CDH18: variants seen among roughly 807,000 people sequenced by gnomAD.
The protein encoded by CDH18 is cadherin-18.
Under a neutral mutation model 67.9 loss-of-function variants are expected in CDH18, and 31 were observed. That is an observed-to-expected ratio of 0.46 (90% CI 0.34 to 0.62). CDH18 has a LOEUF of 0.62. Ranked by LOEUF, CDH18 falls within the 20% of genes least tolerant of loss-of-function variation. The pLI, the probability that CDH18 is intolerant of heterozygous loss-of-function variation, is 0.01. For missense variants in CDH18, 890 were observed against 975.5 expected, an observed-to-expected ratio of 0.91 and a Z score of 1.17; for synonymous variants, 362 against 347.2, an observed-to-expected ratio of 1.04 and a Z score of -0.48.
In CDH18 at chr5:20,186,053, A is replaced by G. The variant is rs1738076843; in HGVS notation, c.-518+69391T>C. 2.0e-5 allele frequency among the ~76,000 whole-genome samples: 3 copies of G among 152,066 alleles called. No homozygotes were observed. The South Asian group carries it at 6.2e-4, about 31-fold the overall frequency. On this transcript the variant is annotated intron_variant, in intron 2 of 14. Coordinates refer to the CDH18 transcript ENST00000507958. The stretch of plus-strand genomic sequence containing the variant: ...AAAGGAATGAAGACTCATCTGTTGA[A>G]TTCTTGCACTGATAAATGGTGTTCA...
At chr5:19,732,253 C>A (rs1194791910) in intron 4 of CDH18, among the ~76,000 whole-genome samples, 3 of 151,394 alleles carry the variant, frequency 2.0e-5, no homozygotes, top group African/African-American at 4.9e-5. Context: ...CCAGCCTGGG[C>A]AACATAGAGA....
At chr5:19,701,983 C>A (rs544234378) in intron 5 of CDH18, among the ~76,000 whole-genome samples, 28 of 152,120 alleles carry the variant, frequency 1.8e-4, no homozygotes, top group African/African-American at 6.3e-4. Context: ...CAAATATAAT[C>A]ATTTATCATG....
chr5:20,541,016 C>T (rs939176856), intron 1 of CDH18, among the ~76,000 whole-genome samples: 4 of 152,152 alleles, frequency 2.6e-5, no homozygotes, highest in African/African-American at 9.7e-5. Flanking sequence ...ACATTATGGC[C>T]ATTCGGAGTA....
At chr5:19,956,208 G>C (rs1275546336) in intron 2 of CDH18, among the ~76,000 whole-genome samples, 1 of 151,962 alleles carries the variant, frequency 6.6e-6, no homozygotes, top group African/African-American at 2.4e-5. Flanking sequence ...GCAGTTGAAA[G>C]CCAATTCTAT....
At chr5:19,970,948 C>G (rs906801423) in intron 2 of CDH18, among the ~76,000 whole-genome samples, 8 of 151,820 alleles carry the variant, frequency 5.3e-5, no homozygotes, top group Non-Finnish European at 7.4e-5. Flanking sequence ...TGCTATTTTA[C>G]AAGAAAACAA....
At chr5:20,531,991 A>G (rs951171917) in intron 1 of CDH18, among the ~76,000 whole-genome samples, 3 of 152,132 alleles carry the variant, frequency 2.0e-5, no homozygotes, top group African/African-American at 7.2e-5. Flanking sequence ...GCTCAAATGT[A>G]TGTATTTATA....
At position 20,172,190 on chromosome 5, in the gene CDH18, G is replaced by GTATATATATATATATATATATATATA. The variant is rs70954640; in HGVS notation, c.-518+83228_-518+83253dup. Among the ~76,000 whole-genome samples, 10 of 23,316 alleles carry GTATATATATATATATATATATATATA rather than the reference G, an allele frequency of 4.3e-4. 1 individual carries two copies. Among genetic ancestry groups the GTATATATATATATATATATATATATA allele is most frequent in the South Asian group, 1.9e-3 (1 of 528 alleles). The allele number at this position is 23,316 out of a possible 152,430, so 15.3% of individuals were successfully genotyped here. ...AACTTTGATATCAATAGCATTGTGT[G>GTATATATATATATATATATATATATA]TATATATATATATATATATATATAT... On this transcript the variant is annotated intron_variant, in intron 2 of 14. Coordinates refer to the CDH18 transcript ENST00000507958.
intron 5 of CDH18, among the ~76,000 whole-genome samples, chr5:19,615,701 C>T (rs1331905200): frequency 6.6e-6 from 1 of 152,126 alleles, no homozygotes; most frequent in Non-Finnish European, 1.5e-5. Context: ...CTATCCCTCC[C>T]CTCCCTCAAC....
chr5:19,525,765 A>G (rs1382640445), intron 9 of CDH18, among the ~76,000 whole-genome samples: 1 of 152,142 alleles, frequency 6.6e-6, no homozygotes. Context: ...GTCTCTATAT[A>G]TTATTTCTTG....
intron 12 of CDH18, among the ~76,000 whole-genome samples, chr5:19,482,636 CATG>C (rs1163200062): frequency 2.6e-5 from 4 of 151,908 alleles, no homozygotes; most frequent in East Asian, 1.9e-4. Flanking sequence ...AGGTGTGCAA[CATG>C]ATGATGTTTT....
intron 1 of CDH18, among the ~76,000 whole-genome samples, chr5:20,414,161 T>A (rs572929085): frequency 6.6e-6 from 1 of 152,290 alleles, no homozygotes; most frequent in South Asian, 2.1e-4. Flanking sequence ...GAAAACAGAA[T>A]TACCATTTGA....
intron 1 of CDH18, among the ~76,000 whole-genome samples, chr5:20,380,335 A>C (rs1743814106): frequency 6.6e-6 from 1 of 152,186 alleles, no homozygotes; most frequent in South Asian, 2.1e-4. Flanking sequence ...TATGAACTGA[A>C]TTAATAATAA....
intron 1 of CDH18, among the ~76,000 whole-genome samples, chr5:20,357,419 T>C (rs1172216808): frequency 6.6e-6 from 1 of 151,986 alleles, no homozygotes; most frequent in African/African-American, 2.4e-5. Flanking sequence ...CTGCAAAAAA[T>C]ATACCAAAAT....
At chr5:20,466,707 T>C (rs1751657117) in intron 1 of CDH18, among the ~76,000 whole-genome samples, 1 of 152,056 alleles carries the variant, frequency 6.6e-6, no homozygotes, top group African/African-American at 2.4e-5. Flanking sequence ...ACTCTAATCT[T>C]AATATAATTT....
At chr5:19,496,715 GT>G (rs1200687158) in intron 11 of CDH18, among the ~76,000 whole-genome samples, 3 of 146,998 alleles carry the variant, frequency 2.0e-5, no homozygotes, top group African/African-American at 7.5e-5. Flanking sequence ...GGGAGGCTGA[GT>G]TAGGAGAATC....
chr5:20,152,674 T>G (rs1751217063), intron 2 of CDH18, among the ~76,000 whole-genome samples: 1 of 152,072 alleles, frequency 6.6e-6, no homozygotes, highest in Non-Finnish European at 1.5e-5. Context: ...TTAAATTAAA[T>G]GTAAAATTGT....
chr5:20,040,911 A>T (rs1016390230), intron 2 of CDH18, among the ~76,000 whole-genome samples: 1 of 152,204 alleles, frequency 6.6e-6, no homozygotes, highest in Non-Finnish European at 1.5e-5. Flanking sequence ...ACTGTTCCAC[A>T]TTGCACACAG....
chr5:19,502,576 C>T (rs1743432647), intron 11 of CDH18: 1 of 336,792 alleles, frequency 3.0e-6, no homozygotes, highest in Non-Finnish European at 5.3e-6. Flanking sequence ...TTGTAAAGCA[C>T]ATCTTGATAG....
chr5:19,733,577 C>G (rs1284695028), intron 4 of CDH18, among the ~76,000 whole-genome samples: 1 of 151,996 alleles, frequency 6.6e-6, no homozygotes, highest in East Asian at 2.0e-4. Flanking sequence ...AGCTCAAGAC[C>G]CACCAAATGA....
Sources: gnomAD v4.1 joint callset for allele counts (sites outside exome capture counted in the v4.1 genomes callset) on GRCh38, gnomAD v4.1.1 for gene constraint, MANE v1.5 for transcripts, NCBI Gene and HGNC (gene_info 2026-07-23, HGNC 2026-07-21) for gene names.